Variants in SPON1 observed in about 807,000 individuals in gnomAD.
SPON1 encodes spondin-1.
A neutral mutation model predicts 111.7 loss-of-function variants in SPON1; 52 were observed. That is an observed-to-expected ratio of 0.47 (90% confidence interval 0.37 to 0.59). SPON1 has a LOEUF of 0.59. Ranked by LOEUF, SPON1 falls within the 20% of genes least tolerant of loss-of-function variation. The pLI is 0.00. For missense variants in SPON1, 957 were observed against 1,068.5 expected, an observed-to-expected ratio of 0.90 and a Z score of 1.46; for synonymous variants, 410 against 395.8, an observed-to-expected ratio of 1.04 and a Z score of -0.43.
chr11:14,239,020 T>C (rs1848896176), intron 6 of SPON1, among the ~76,000 whole-genome samples: 1 of 152,138 alleles, frequency 6.6e-6, no homozygotes, highest in South Asian at 2.1e-4. Context: ...GTCTGAAGTG[T>C]GGGTTGCTTA....
intron 3 of SPON1, among the ~76,000 whole-genome samples, chr11:14,058,301 G>A (rs1271001927): frequency 1.3e-5 from 2 of 152,116 alleles, no homozygotes; most frequent in East Asian, 3.9e-4. Context: ...ATACCAGACA[G>A]CAAGGATACA....
chr11:14,101,537 T>G (rs1849144257), intron 5 of SPON1, among the ~76,000 whole-genome samples: 1 of 152,170 alleles, frequency 6.6e-6, no homozygotes, highest in Admixed American at 6.5e-5. Flanking sequence ...CTCCTCCTTT[T>G]TTCTCTTTCT....
At chr11:13,988,270 T>A (rs1257328186) in intron 2 of SPON1, among the ~76,000 whole-genome samples, 2 of 152,212 alleles carry the variant, frequency 1.3e-5, no homozygotes, top group African/African-American at 4.8e-5. Context: ...GTCCTTCACA[T>A]CCCTTTTAAG....
At chr11:14,080,066 CAA>C in intron 5 of SPON1, 45 bp downstream of exon 5, 2 of 1,612,236 alleles carry the variant, frequency 1.2e-6, no homozygotes, top group African/African-American at 1.3e-5. Flanking sequence ...AGCACATTGT[CAA>C]AGTTCTGTCT....
chr11:14,135,646 T>C lies in SPON1; in HGVS notation c.825+78T>C. The stretch of plus-strand genomic sequence containing the variant: ...CTCCTTAGATATCTTTCCCAGGGGC[T>C]TGAAATTTGCAGTACAATGTGGTGG... On this transcript the variant is annotated intron_variant, in intron 6 of 15. Coordinates refer to ENST00000576479, the MANE Select transcript of SPON1 (RefSeq NM_006108.4). This position sits in a 1 kb window ranked among gnomAD's most constrained non-coding sequence, Gnocchi z 4.4. The C allele has an allele frequency of 6.8e-7, 1 of 1,461,290 alleles. No homozygotes were observed. Among genetic ancestry groups the C allele is most frequent in the Non-Finnish European group, 9.4e-7 (1 of 1,061,470 alleles). The allele number at this position is 1,461,290 out of a possible 1,614,324, so 90.5% of individuals were successfully genotyped here.
At chr11:14,206,454 G>A (rs1205743802) in intron 6 of SPON1, among the ~76,000 whole-genome samples, 1 of 152,038 alleles carries the variant, frequency 6.6e-6, no homozygotes, top group African/African-American at 2.4e-5. Flanking sequence ...GCCTCCCATG[G>A]TTACCTTTTT....
At chr11:14,236,781 G>A (rs1381270730) in intron 6 of SPON1, among the ~76,000 whole-genome samples, 1 of 150,858 alleles carries the variant, frequency 6.6e-6, no homozygotes, top group Admixed American at 6.6e-5. Flanking sequence ...TCAAGGCAGA[G>A]GGAGTGAGTG....
At chr11:14,082,477 C>T (rs1848970306) in intron 5 of SPON1, among the ~76,000 whole-genome samples, 1 of 152,164 alleles carries the variant, frequency 6.6e-6, no homozygotes, top group Non-Finnish European at 1.5e-5. Flanking sequence ...CCAGGACAAA[C>T]GTGATGACGT....
intron 5 of SPON1, among the ~76,000 whole-genome samples, chr11:14,121,923 A>G (rs1847392784): frequency 6.6e-6 from 1 of 151,172 alleles, no homozygotes; most frequent in Non-Finnish European, 1.5e-5. Flanking sequence ...TTGTCATTTC[A>G]TTGTCTTCTA....
At chr11:14,182,897 G>A (rs782681963) in intron 6 of SPON1, among the ~76,000 whole-genome samples, 3 of 152,150 alleles carry the variant, frequency 2.0e-5, no homozygotes, top group African/African-American at 2.4e-5. Flanking sequence ...CAAGGGCCAC[G>A]ACCCCAAATG....
At chr11:14,079,693 C>CTTT (rs1554921850) in intron 4 of SPON1, among the ~76,000 whole-genome samples, 1,524 of 150,760 alleles carry the variant, frequency 0.01, 29 homozygotes, top group African/African-American at 0.036. Flanking sequence ...AAAAAGCTCT[C>CTTT]TTTTTTTTTT....
intron 6 of SPON1, among the ~76,000 whole-genome samples, chr11:14,205,357 G>T (rs1848506868): frequency 6.6e-6 from 1 of 152,080 alleles, no homozygotes; most frequent in Admixed American, 6.5e-5. Flanking sequence ...CCAGGGCCTG[G>T]TATGCTGTGG....
chr11:14,069,484 A>G (rs2133827105), intron 3 of SPON1, among the ~76,000 whole-genome samples: 1 of 152,042 alleles, frequency 6.6e-6, no homozygotes, highest in South Asian at 2.1e-4. Flanking sequence ...CCTCCTCTTG[A>G]AGCCTTGCCA....
At chr11:14,038,039 A>G (rs1848607246) in intron 2 of SPON1, among the ~76,000 whole-genome samples, 1 of 151,072 alleles carries the variant, frequency 6.6e-6, no homozygotes, top group Admixed American at 6.6e-5. Context: ...AGTGGCACAC[A>G]CCTGTAATCC....
chr11:14,089,877 T>A lies in SPON1; in HGVS notation c.676+9856T>A, dbSNP rs533582496. On this transcript the variant is annotated intron_variant, in intron 5 of 15. Transcript: ENST00000576479. ...TGAGGAGGAATCTAGAAAGGCAGTCTGGCCACAGCTGTTTTGCCACGCTGT... is the reference window on the plus strand; with the variant it reads ...TGAGGAGGAATCTAGAAAGGCAGTCAGGCCACAGCTGTTTTGCCACGCTGT... Among the ~76,000 whole-genome samples the A allele has an allele frequency of 1.2e-4, 19 of 152,312 alleles. No individual in the cohort carries two copies. In the East Asian group the frequency reaches 3.3e-3, roughly 26 times the overall value.
chr11:14,247,334 G>A (rs758673689), intron 7 of SPON1, among the ~76,000 whole-genome samples: 4 of 152,274 alleles, frequency 2.6e-5, no homozygotes, highest in East Asian at 1.9e-4. Flanking sequence ...CACTTTAGCC[G>A]AGGAGGCTGA....
chr11:13,998,127 A>G, intron 2 of SPON1, among the ~76,000 whole-genome samples: 1 of 152,300 alleles, frequency 6.6e-6, no homozygotes, highest in African/African-American at 2.4e-5. Flanking sequence ...CTCAGATTCC[A>G]CTGCCTGCCC....
chr11:14,091,934 G>C (rs528386984), intron 5 of SPON1, among the ~76,000 whole-genome samples: 53 of 152,106 alleles, frequency 3.5e-4, no homozygotes, highest in Non-Finnish European at 6.9e-4. Context: ...CGGGGCGGGG[G>C]AGGCCCCCAG....
intron 4 of SPON1, among the ~76,000 whole-genome samples, chr11:14,077,940 C>G (rs1246832674): frequency 6.6e-6 from 1 of 151,756 alleles, no homozygotes; most frequent in Non-Finnish European, 1.5e-5. Context: ...ACAAAGAATA[C>G]AGGAAGAGAG....
Sources: allele counts gnomAD v4.1 joint callset (sites outside exome capture counted in the v4.1 genomes callset), GRCh38; gene constraint gnomAD v4.1.1; non-coding constraint Gnocchi (gnomAD v3.1); transcripts MANE v1.5; gene names NCBI Gene and HGNC (gene_info 2026-07-23, HGNC 2026-07-21).